DENND1A: variants seen among roughly 807,000 people sequenced by gnomAD.
The protein encoded by DENND1A is DENN domain-containing protein 1A.
A neutral mutation model predicts 113.7 loss-of-function variants in DENND1A; 51 were observed. That is an observed-to-expected ratio of 0.45 (90% CI 0.36 to 0.57). The LOEUF (loss-of-function observed/expected upper bound fraction) is 0.57. Among genes scored for constraint, DENND1A ranks in the 20% least tolerant of loss-of-function variants. The probability of loss-of-function intolerance (pLI) is 0.00; values close to 1 mark genes in which losing one functional copy is unlikely to be tolerated. For synonymous variants in DENND1A, 565 were observed against 570.8 expected (o/e 0.99, Z 0.14); for missense variants, 1,258 against 1,395.9 (o/e 0.90, Z 1.57).
intron 2 of DENND1A, among the ~76,000 whole-genome samples, chr9:123,815,455 CAGA>C (rs1006619665): frequency 5.9e-5 from 9 of 152,270 alleles, no homozygotes; most frequent in Non-Finnish European, 1.2e-4. Flanking sequence ...CAAAAATGAT[CAGA>C]AGGTCAGTCA....
intron 5 of DENND1A, among the ~76,000 whole-genome samples, chr9:123,726,876 A>C (rs919196204): frequency 1.3e-5 from 2 of 152,144 alleles, no homozygotes; most frequent in African/African-American, 4.8e-5. Context: ...CTATCCTCCC[A>C]AAAAGTTTGC....
chr9:123,672,408 A>G (rs533194397), intron 6 of DENND1A, among the ~76,000 whole-genome samples: 106 of 147,318 alleles, frequency 7.2e-4, no homozygotes, highest in Non-Finnish European at 1.3e-3. Flanking sequence ...GAAATTGTTG[A>G]AAAAAAAAAG....
At chr9:123,529,920 C>G (rs887601581) in intron 13 of DENND1A, among the ~76,000 whole-genome samples, 2 of 152,134 alleles carry the variant, frequency 1.3e-5, no homozygotes, top group Non-Finnish European at 2.9e-5. Flanking sequence ...TATTTTACCT[C>G]GGGAAAAATC....
chr9:123,804,770 A>G (rs1038755092), intron 2 of DENND1A, among the ~76,000 whole-genome samples: 1 of 152,078 alleles, frequency 6.6e-6, no homozygotes, highest in Non-Finnish European at 1.5e-5. Context: ...ATTTCACTCT[A>G]TCTCCACCAC....
chr9:123,695,688 A>G (rs2140485752), intron 5 of DENND1A, among the ~76,000 whole-genome samples: 1 of 152,280 alleles, frequency 6.6e-6, no homozygotes, highest in East Asian at 1.9e-4. Flanking sequence ...AACAAGTGTA[A>G]TTACTAAGAT....
At chr9:123,681,887 G>A (rs2064486964) in intron 5 of DENND1A, among the ~76,000 whole-genome samples, 2 of 151,788 alleles carry the variant, frequency 1.3e-5, no homozygotes, top group South Asian at 2.1e-4. Context: ...TGATTCCAGG[G>A]CTGGGGCTGG....
intron 13 of DENND1A, among the ~76,000 whole-genome samples, chr9:123,501,935 C>T (rs1403493890): frequency 6.6e-6 from 1 of 152,152 alleles, no homozygotes; most frequent in African/African-American, 2.4e-5. Context: ...AACAGCCTAT[C>T]GTGGGACCTT....
intron 13 of DENND1A, among the ~76,000 whole-genome samples, chr9:123,464,753 C>A (rs541814691): frequency 6.6e-6 from 1 of 151,134 alleles, no homozygotes; most frequent in Admixed American, 6.6e-5. Context: ...TTAATTAAAA[C>A]TTTTTTTTTA....
chr9:123,750,656 A>G (rs1589930723), intron 5 of DENND1A, among the ~76,000 whole-genome samples: 1 of 152,246 alleles, frequency 6.6e-6, no homozygotes, highest in East Asian at 1.9e-4. Flanking sequence ...AAGAATTAAA[A>G]AGAAATCAAA....
At chr9:123,733,277 G>A (rs528894458) in intron 5 of DENND1A, among the ~76,000 whole-genome samples, 12 of 148,564 alleles carry the variant, frequency 8.1e-5, no homozygotes, top group African/African-American at 2.5e-4. Flanking sequence ...CACCGCACCC[G>A]GCCAGTTTGT....
chr9:123,821,746 G>A (rs1297331817), intron 2 of DENND1A, among the ~76,000 whole-genome samples: 1 of 152,214 alleles, frequency 6.6e-6, no homozygotes, highest in Admixed American at 6.5e-5. Context: ...CAGCTTTGCG[G>A]AGGACAGGAT....
intron 19 of DENND1A, among the ~76,000 whole-genome samples, chr9:123,423,339 C>A (rs1003148835): frequency 1.3e-5 from 2 of 152,238 alleles, no homozygotes; most frequent in Non-Finnish European, 1.5e-5. Context: ...CCCCAGCCAG[C>A]CCTCTTCCTG....
At chr9:123,661,382 C>T (rs1225807389) in intron 8 of DENND1A, among the ~76,000 whole-genome samples, 9 of 152,180 alleles carry the variant, frequency 5.9e-5, no homozygotes, top group African/African-American at 2.4e-5. Flanking sequence ...AAGGCTTACA[C>T]TGAAAATGAG....
At chr9:123,833,673 T>G (rs1286206662) in intron 2 of DENND1A, among the ~76,000 whole-genome samples, 1 of 152,260 alleles carries the variant, frequency 6.6e-6, no homozygotes, top group African/African-American at 2.4e-5. Context: ...TATATTTTTC[T>G]GCACCTAAGC....
chr9:123,830,675 C>G (rs761092538), intron 2 of DENND1A, among the ~76,000 whole-genome samples: 1 of 151,548 alleles, frequency 6.6e-6, no homozygotes, highest in Non-Finnish European at 1.5e-5. Context: ...ACCAGCCTGG[C>G]CAACATGGTG....
intron 2 of DENND1A, among the ~76,000 whole-genome samples, chr9:123,818,749 C>A (rs1032878720): frequency 1.3e-5 from 2 of 152,048 alleles, no homozygotes; most frequent in African/African-American, 4.8e-5. Flanking sequence ...CCATTTGTGG[C>A]ATCATGTCAG....
rs540675220 is a variant in DENND1A, at chr9:123,715,031, A to C, written c.303-38242T>G. 2.5e-3 allele frequency among the ~76,000 whole-genome samples: 376 copies of C among 152,124 alleles called. 2 individuals are homozygous for C. The highest frequency in any genetic ancestry group is 8.6e-3 in the African/African-American group (359 of 41,516). ...ACCCCATCTCTACTAAAAAATAAAA[A>C]AATTAGCCAGGCATGGTGGCGGGCA... On this transcript the variant is annotated intron_variant, in intron 5 of 23. Transcript: ENST00000394215.
intron 2 of DENND1A, among the ~76,000 whole-genome samples, chr9:123,792,859 A>C (rs1240971038): frequency 6.6e-6 from 1 of 152,214 alleles, no homozygotes; most frequent in Non-Finnish European, 1.5e-5. Flanking sequence ...GCTACTGTTA[A>C]CTTTAGACTA....
chr9:123,459,937 C>T (rs944029671), intron 13 of DENND1A, among the ~76,000 whole-genome samples: 22 of 152,134 alleles, frequency 1.4e-4, no homozygotes, highest in Non-Finnish European at 3.2e-4. Context: ...CAGTTACACC[C>T]TACCTAATTT....
Sources: gnomAD v4.1 joint callset for allele counts (sites outside exome capture counted in the v4.1 genomes callset) on GRCh38, gnomAD v4.1.1 for gene constraint, MANE v1.5 for transcripts, NCBI Gene and HGNC (gene_info 2026-07-23, HGNC 2026-07-21) for gene names.